The following SNTG1 variants were observed in gnomAD, a reference collection of about 807,000 sequenced individuals.
The protein encoded by SNTG1 is gamma-1-syntrophin.
A neutral mutation model predicts 74.7 loss-of-function variants in SNTG1; 39 were observed. The ratio of observed to expected loss-of-function variants is 0.52; its 90% CI spans 0.40 to 0.68. SNTG1 has a LOEUF of 0.68. Among genes scored for constraint, SNTG1 ranks in the 30% least tolerant of loss-of-function variants. SNTG1 has a pLI of 0.00. For missense variants in SNTG1, 685 were observed against 609.5 expected (o/e 1.12, Z -1.30); for synonymous variants, 254 against 217.1 (o/e 1.17, Z -1.49).
At chr8:50,593,636 A>G (rs1446035175) in intron 13 of SNTG1, among the ~76,000 whole-genome samples, 8 of 151,936 alleles carry the variant, frequency 5.3e-5, no homozygotes, top group Admixed American at 5.3e-4. Flanking sequence ...TTCACTTTTC[A>G]TGAGGAGTAA....
chr8:50,665,177 A>C (rs2095244671), intron 15 of SNTG1, among the ~76,000 whole-genome samples: 1 of 152,144 alleles, frequency 6.6e-6, no homozygotes, highest in African/African-American at 2.4e-5. Flanking sequence ...CATGCTTGGC[A>C]GGGTTGAATG....
chr8:50,607,097 T>C (rs768260709), intron 13 of SNTG1, among the ~76,000 whole-genome samples: 1 of 151,948 alleles, frequency 6.6e-6, no homozygotes, highest in African/African-American at 2.4e-5. Flanking sequence ...TTTATTTACA[T>C]TGCCCTTCAA....
At chr8:50,369,751 T>C (rs2092222916) in intron 2 of SNTG1, among the ~76,000 whole-genome samples, 1 of 152,256 alleles carries the variant, frequency 6.6e-6, no homozygotes. Context: ...ACTTCCAGCC[T>C]CCAGAACTGT....
chr8:49,976,687 C>A (rs927629941), intron 1 of SNTG1, among the ~76,000 whole-genome samples: 1 of 152,140 alleles, frequency 6.6e-6, no homozygotes, highest in Non-Finnish European at 1.5e-5. Context: ...GAGTTAACAG[C>A]AGAGCGGAGG....
chr8:50,658,499 T>A (rs2095197773), intron 14 of SNTG1, 93 bp from the exon 15 acceptor site: 8 of 852,020 alleles, frequency 9.4e-6, no homozygotes, highest in Non-Finnish European at 1.3e-5. Flanking sequence ...TCTGTGAAAG[T>A]TTTTTCTTAT....
chr8:50,039,980 G>T (rs1818498306), intron 1 of SNTG1, among the ~76,000 whole-genome samples: 1 of 152,118 alleles, frequency 6.6e-6, no homozygotes, highest in South Asian at 2.1e-4. Context: ...TTCGAGGAAG[G>T]TGTCCAAGGG....
chr8:50,011,828 AATACAG>A (rs1815835755), intron 1 of SNTG1: 1 of 152,210 alleles, frequency 6.6e-6, no homozygotes, highest in East Asian at 1.9e-4. Flanking sequence ...CATAGCAATG[AATACAG>A]AGACAGCAGA....
chr8:50,085,246 C>A (rs974413876), intron 1 of SNTG1, among the ~76,000 whole-genome samples: 6 of 151,930 alleles, frequency 3.9e-5, no homozygotes, highest in Non-Finnish European at 7.4e-5. Flanking sequence ...TTTAGAGCAC[C>A]AAGTCTTTAT....
At chr8:49,982,688 G>A (rs561292880) in intron 1 of SNTG1, among the ~76,000 whole-genome samples, 1 of 150,034 alleles carries the variant, frequency 6.7e-6, no homozygotes, top group East Asian at 2.0e-4. Flanking sequence ...AAGGACCAAG[G>A]ATGCTACCTT....
intron 8 of SNTG1, among the ~76,000 whole-genome samples, chr8:50,484,153 C>A (rs71512149): frequency 8.2e-4 from 27 of 32,940 alleles, no homozygotes; most frequent in African/African-American, 2.4e-3. Flanking sequence ...TCTTTCTTTC[C>A]TTCCTTCCTT....
At chr8:50,707,562 C>T (rs1036713511) in intron 16 of SNTG1, among the ~76,000 whole-genome samples, 1 of 152,048 alleles carries the variant, frequency 6.6e-6, no homozygotes, top group Non-Finnish European at 1.5e-5. Context: ...GTGAAGGCAA[C>T]TCGATGTATT....
intron 1 of SNTG1, among the ~76,000 whole-genome samples, chr8:49,988,608 A>T (rs1382127416): frequency 4.6e-5 from 7 of 152,176 alleles, no homozygotes; most frequent in Admixed American, 3.9e-4. Context: ...GTTGCTAGAG[A>T]TTATGCAATC....
chr8:50,413,599 T>C (rs575723107), intron 4 of SNTG1, among the ~76,000 whole-genome samples: 3 of 152,236 alleles, frequency 2.0e-5, no homozygotes, highest in Non-Finnish European at 4.4e-5. Flanking sequence ...AAGACCGGAA[T>C]ATGAAAATTT....
At chr8:50,451,977 G>A (rs1277113687) in intron 8 of SNTG1, among the ~76,000 whole-genome samples, 1 of 152,170 alleles carries the variant, frequency 6.6e-6, no homozygotes, top group African/African-American at 2.4e-5. Context: ...GCTTGTCACA[G>A]CTCTAGTTTA....
intron 13 of SNTG1, among the ~76,000 whole-genome samples, chr8:50,646,691 T>A: frequency 6.6e-6 from 1 of 152,282 alleles, no homozygotes; most frequent in Middle Eastern, 3.4e-3. Flanking sequence ...GTAATTATTA[T>A]GATGTAGATA....
At chr8:50,508,255 AT>A (rs949766238) in intron 9 of SNTG1, among the ~76,000 whole-genome samples, 1 of 152,060 alleles carries the variant, frequency 6.6e-6, no homozygotes, top group African/African-American at 2.4e-5. Flanking sequence ...TGAACTCATC[AT>A]TTTTTATGGC....
intron 15 of SNTG1, among the ~76,000 whole-genome samples, chr8:50,661,232 G>C (rs2095221594): frequency 6.6e-6 from 1 of 152,116 alleles, no homozygotes; most frequent in Non-Finnish European, 1.5e-5. Context: ...AAAATAGTAA[G>C]TAAATAAATG....
At chr8:50,655,089 G>A (rs1333746398) in intron 13 of SNTG1, among the ~76,000 whole-genome samples, 1 of 151,998 alleles carries the variant, frequency 6.6e-6, no homozygotes, top group African/African-American at 2.4e-5. Context: ...AATTTTTCCT[G>A]GTTGTCTTTT....
chr8:50,155,562 T>C lies in SNTG1; in HGVS notation c.-102-16999T>C, dbSNP rs1322265611. ...AAGAGATAAAATATTCTATAATGTT[T>C]AGAAATTCCCAAATATTTGTAAATT... On this transcript the variant is annotated intron_variant, in intron 1 of 18. Coordinates refer to ENST00000642720, the MANE Select transcript of SNTG1 (RefSeq NM_018967.5). 3.3e-5 allele frequency among the ~76,000 whole-genome samples: 5 copies of C among 152,042 alleles called. No homozygotes were observed. The East Asian group carries it at 9.6e-4, about 29-fold the overall frequency.
Sources: gnomAD v4.1 joint callset for allele counts (sites outside exome capture counted in the v4.1 genomes callset) on GRCh38, gnomAD v4.1.1 for gene constraint, MANE v1.5 for transcripts, NCBI Gene and HGNC (gene_info 2026-07-23, HGNC 2026-07-21) for gene names.